The following NF1 variants were observed in gnomAD, a reference collection of about 807,000 sequenced individuals.
NF1 encodes neurofibromin 1, also known as neurofibromin.
In NF1, 122 loss-of-function variants were observed where a neutral mutation model predicts 325.7. The ratio of observed to expected loss-of-function variants is 0.37; its 90% CI spans 0.32 to 0.44. NF1 has a LOEUF of 0.44. Ranked by LOEUF, NF1 falls within the 20% of genes least tolerant of loss-of-function variation. The probability of loss-of-function intolerance (pLI) is 1.00; values close to 1 mark genes in which losing one functional copy is unlikely to be tolerated. For missense variants in NF1, 2,140 were observed against 3,415.4 expected, an observed-to-expected ratio of 0.63 and a Z score of 9.31; for synonymous variants, 1,091 against 1,186.0, an observed-to-expected ratio of 0.92 and a Z score of 1.65.
At chr17:31,223,664 C>T (rs2066965599) in intron 16 of NF1, 97 bp downstream of exon 16, 1 of 1,178,748 alleles carries the variant, frequency 8.5e-7, no homozygotes, top group African/African-American at 1.5e-5. Flanking sequence ...GGTTCTATTT[C>T]AGCTTCTCCT....
At chr17:31,317,103 A>G (rs796212451) in intron 36 of NF1, among the ~76,000 whole-genome samples, 10 of 152,260 alleles carry the variant, frequency 6.6e-5, no homozygotes, top group African/African-American at 2.2e-4. Context: ...ATACTTGGGA[A>G]AAAACATATA....
intron 36 of NF1, among the ~76,000 whole-genome samples, chr17:31,267,200 G>A (rs1441506958): frequency 6.6e-6 from 1 of 152,030 alleles, no homozygotes; most frequent in South Asian, 2.1e-4. Flanking sequence ...CAAAGTGCTG[G>A]GAATTACAGG....
At chr17:31,124,759 G>C (rs1914731957) in intron 1 of NF1, among the ~76,000 whole-genome samples, 1 of 150,968 alleles carries the variant, frequency 6.6e-6, no homozygotes, top group Non-Finnish European at 1.5e-5. Context: ...GCCACCATGC[G>C]GGCTAATTTT....
intron 31 of NF1, chr17:31,254,287 A>AG (rs1179115822): frequency 6.6e-6 from 1 of 151,144 alleles, no homozygotes; most frequent in African/African-American, 2.4e-5. Context: ...AAAAAAAAAA[A>AG]AAAAAGAAAA....
At chr17:31,239,705 G>A (rs1391796373) in intron 29 of NF1, among the ~76,000 whole-genome samples, 1 of 152,080 alleles carries the variant, frequency 6.6e-6, no homozygotes, top group Non-Finnish European at 1.5e-5. Flanking sequence ...TACAGACATG[G>A]AATGTGTAGT....
intron 8 of NF1, chr17:31,183,288 TA>T (rs1051861031): frequency 2.1e-4 from 34 of 159,450 alleles, no homozygotes; most frequent in Non-Finnish European, 3.4e-4. Flanking sequence ...GTTTTGCAAA[TA>T]TTTTTTTTTT....
chr17:31,309,523 T>G (rs1169419895), intron 36 of NF1, among the ~76,000 whole-genome samples: 1 of 152,212 alleles, frequency 6.6e-6, no homozygotes, highest in Non-Finnish European at 1.5e-5. Flanking sequence ...GCGGGGGGAC[T>G]TCTTTAGAAA....
intron 5 of NF1, among the ~76,000 whole-genome samples, chr17:31,173,846 G>A (rs772012643): frequency 4.6e-5 from 7 of 152,194 alleles, no homozygotes; most frequent in Non-Finnish European, 8.8e-5. Flanking sequence ...GGCTTTGAGA[G>A]TAGATTATGG....
intron 1 of NF1, among the ~76,000 whole-genome samples, chr17:31,155,435 T>G (rs1418147586): frequency 6.6e-6 from 1 of 152,182 alleles, no homozygotes; most frequent in Non-Finnish European, 1.5e-5. Context: ...GTCTTACTGT[T>G]TTTTCCCCAG....
intron 36 of NF1, among the ~76,000 whole-genome samples, chr17:31,286,503 C>CT (rs1197147974): frequency 2.6e-5 from 4 of 152,108 alleles, no homozygotes; most frequent in Non-Finnish European, 4.4e-5. Flanking sequence ...ACTCATAATA[C>CT]TTTATCCAAG....
chr17:31,226,541 T>C lies in NF1; in HGVS notation c.2108T>C (p.Val703Ala). Residue 703 changes from valine (V) to alanine (A), a missense_variant, in exon 18 of 58, where the codon GTT becomes GCT. Val to Ala is a moderately conservative substitution (Grantham distance 64). Around this residue, in one of 10 missense-constraint regions of NF1, gnomAD observed 380 missense variants for 639.3 expected, o/e 0.59. Transcript: ENST00000358273. ...MFLWNPDTEA[V>A]LVAMSCFRHL... Reference sequence around the variant, plus strand: ...CTGTGGAACCCTGACACTGAAGCTGTTCTGGTTGCCATGTCCTGTTTCCGC... The same window carrying C: ...CTGTGGAACCCTGACACTGAAGCTGCTCTGGTTGCCATGTCCTGTTTCCGC... 2.5e-6 allele frequency: 4 copies of C among 1,613,902 alleles called. No individual in the cohort carries two copies. The highest frequency in any genetic ancestry group is 1.1e-5 in the South Asian group (1 of 91,074).
rs878853901 is a variant in NF1 at position 31,327,627 on chromosome 17, C to A, written c.5397C>A (p.Phe1799Leu). The change falls in exon 38 of 58, where the codon TTC becomes TTA. Residue 1799 changes from phenylalanine to leucine, a missense_variant. Phe to Leu is a conservative substitution (Grantham distance 22). Coordinates refer to ENST00000358273, the MANE Select transcript of NF1 (RefSeq NM_001042492.3). ...TCTGCCTAGTAGATGAGAACCAGTT[C>A]ACCTTAACCATTGCAAACCAGGGCA... The part of the protein sequence containing the change: ...EEICLVDENQ[F>L]TLTIANQGTP... 6.2e-7 allele frequency: 1 copy of A among 1,614,136 alleles called. No homozygotes were observed. The highest frequency in any genetic ancestry group is 1.3e-5 in the African/African-American group (1 of 75,042).
At chr17:31,200,282 T>C in intron 8 of NF1, 140 bp from the exon 9 acceptor site, 1 of 719,446 alleles carries the variant, frequency 1.4e-6, no homozygotes, top group Non-Finnish European at 2.3e-6. Context: ...ACTTAAATTA[T>C]GAAATTGAAA....
chr17:31,179,216 A>C (rs2066080748), intron 5 of NF1, among the ~76,000 whole-genome samples: 1 of 152,230 alleles, frequency 6.6e-6, no homozygotes, highest in East Asian at 1.9e-4. Context: ...ACTCACTCTA[A>C]ACCACACAAC....
intron 36 of NF1, among the ~76,000 whole-genome samples, chr17:31,268,607 C>G (rs1308222764): frequency 7.1e-6 from 1 of 140,498 alleles, no homozygotes; most frequent in Non-Finnish European, 1.5e-5. Flanking sequence ...AGCCTGGTGA[C>G]AGAGCAAGAC....
At chr17:31,280,926 G>A (rs963093472) in intron 36 of NF1, among the ~76,000 whole-genome samples, 1 of 148,794 alleles carries the variant, frequency 6.7e-6, no homozygotes, top group Non-Finnish European at 1.5e-5. Flanking sequence ...AGTTTATACT[G>A]TGAATGGAAA....
At chr17:31,184,643 G>A (rs1325470854) in intron 8 of NF1, among the ~76,000 whole-genome samples, 3 of 137,504 alleles carry the variant, frequency 2.2e-5, no homozygotes, top group Non-Finnish European at 4.7e-5. Flanking sequence ...GCGAGACTCC[G>A]TCTCAAAAAA....
chr17:31,101,172 T>C (rs1174946815), intron 1 of NF1, among the ~76,000 whole-genome samples: 1 of 152,034 alleles, frequency 6.6e-6, no homozygotes, highest in Non-Finnish European at 1.5e-5. Context: ...ATTGCTGTTT[T>C]CTTGAAAGTG....
intron 3 of NF1, among the ~76,000 whole-genome samples, chr17:31,160,242 T>G (rs768170487): frequency 1.3e-5 from 2 of 152,078 alleles, no homozygotes; most frequent in Non-Finnish European, 2.9e-5. Flanking sequence ...TGTACCACCA[T>G]GCTCAGCTAT....
Sources: gnomAD v4.1 joint callset for allele counts (sites outside exome capture counted in the v4.1 genomes callset) on GRCh38, gnomAD v4.1.1 for gene constraint, gnomAD v4.1.1 regional missense constraint, MANE v1.5 for transcripts, NCBI Gene and HGNC (gene_info 2026-07-23, HGNC 2026-07-21) for gene names.